Variants in EPB41L3 observed in about 807,000 individuals in gnomAD.
The protein encoded by EPB41L3 is band 4.1-like protein 3.
Under a neutral mutation model 127.1 loss-of-function variants are expected in EPB41L3, and 57 were observed. The ratio of observed to expected loss-of-function variants is 0.45; its 90% CI spans 0.36 to 0.56. The LOEUF is 0.56. Ranked by LOEUF, EPB41L3 falls within the 20% of genes least tolerant of loss-of-function variation. EPB41L3 has a pLI of 0.00. For synonymous variants in EPB41L3, 572 were observed against 549.5 expected, an observed-to-expected ratio of 1.04 and a Z score of -0.57; for missense variants, 1,273 against 1,372.2, an observed-to-expected ratio of 0.93 and a Z score of 1.14.
chr18:5,476,196 T>C (rs1333847358), intron 3 of EPB41L3, among the ~76,000 whole-genome samples: 1 of 152,204 alleles, frequency 6.6e-6, no homozygotes, highest in African/African-American at 2.4e-5. Flanking sequence ...TTCACAAAGA[T>C]GTCAGCCGTG....
chr18:5,418,016 G>A (rs1289936040), intron 12 of EPB41L3, among the ~76,000 whole-genome samples: 2 of 152,290 alleles, frequency 1.3e-5, no homozygotes, highest in South Asian at 4.2e-4. Flanking sequence ...TTTCATTTTG[G>A]TTGAAAAGTA....
In EPB41L3 at chr18:5,397,206, G is replaced by C. The variant is rs142853345; in HGVS notation, c.2693C>G (p.Thr898Arg). ...GIKGKEGSAL[T>R]EGAKEEGGEE... ...CCCTCCTTCCTCTTTAGCCCCCTCCGTCAAGGCAGAGCCCTCTTTCCCTTT... is the reference window on the plus strand; with the variant it reads ...CCCTCCTTCCTCTTTAGCCCCCTCCCTCAAGGCAGAGCCCTCTTTCCCTTT... The change falls in exon 18 of 23, where the codon ACG (threonine) becomes AGG (arginine). Residue 898 changes from threonine (T) to arginine (R), a missense_variant. Thr to Arg is a moderately conservative substitution (Grantham distance 71). Around this residue, in one of 3 missense-constraint regions of EPB41L3, gnomAD observed 765 missense variants for 782.9 expected, o/e 0.98. Coordinates refer to ENST00000341928, the MANE Select transcript of EPB41L3 (RefSeq NM_012307.5). The surrounding 1 kb of genome is among the most constrained non-coding windows in gnomAD (Gnocchi z 4.1). 3.7e-6 allele frequency: 6 copies of C among 1,614,040 alleles called. No individual in the cohort carries two copies. In the South Asian group the frequency reaches 6.6e-5, roughly 18 times the overall value.
intron 20 of EPB41L3, 73 bp downstream of exon 20, chr18:5,395,536 G>A: frequency 2.1e-6 from 3 of 1,401,038 alleles, no homozygotes; most frequent in Non-Finnish European, 3.0e-6. Flanking sequence ...CCCAACCTGT[G>A]AGGAGTTCTG....
At chr18:5,586,654 A>G (rs2094445066) in intron 3 of EPB41L3, among the ~76,000 whole-genome samples, 1 of 149,824 alleles carries the variant, frequency 6.7e-6, no homozygotes, top group Admixed American at 6.8e-5. Context: ...CTCCTGGCTC[A>G]GCCTCCTGAA....
intron 3 of EPB41L3, among the ~76,000 whole-genome samples, chr18:5,469,290 C>T (rs1283575145): frequency 1.3e-5 from 2 of 152,196 alleles, no homozygotes; most frequent in East Asian, 3.9e-4. Flanking sequence ...TGGTTTCTGG[C>T]ATCTCCAAGC....
At chr18:5,493,226 G>C (rs1326852736) in intron 1 of EPB41L3, among the ~76,000 whole-genome samples, 1 of 152,146 alleles carries the variant, frequency 6.6e-6, no homozygotes, top group African/African-American at 2.4e-5. Flanking sequence ...TTTATGAAAA[G>C]ACACAAACTA....
intron 3 of EPB41L3, among the ~76,000 whole-genome samples, chr18:5,557,595 A>G (rs1340337032): frequency 2.6e-5 from 4 of 152,126 alleles, no homozygotes; most frequent in African/African-American, 9.7e-5. Context: ...CAGGTTGGCC[A>G]GGCTGGTCTT....
intron 1 of EPB41L3, among the ~76,000 whole-genome samples, chr18:5,519,607 C>T (rs1224782743): frequency 6.6e-6 from 1 of 152,164 alleles, no homozygotes; most frequent in Non-Finnish European, 1.5e-5. Flanking sequence ...CCCTAAGGGG[C>T]ACTGCAGAGC....
intron 3 of EPB41L3, among the ~76,000 whole-genome samples, chr18:5,446,732 T>C (rs1206087747): frequency 2.6e-5 from 4 of 152,196 alleles, no homozygotes; most frequent in Admixed American, 2.0e-4. Flanking sequence ...GCCTAAATCA[T>C]AGCTAGCTAA....
chr18:5,435,833 C>T (rs1013246586), intron 6 of EPB41L3, among the ~76,000 whole-genome samples: 3 of 151,828 alleles, frequency 2.0e-5, no homozygotes, highest in Non-Finnish European at 4.4e-5. Flanking sequence ...CAATTTCCTG[C>T]ATTCTTAATG....
intron 3 of EPB41L3, among the ~76,000 whole-genome samples, chr18:5,556,357 G>C (rs1355298552): frequency 6.6e-6 from 1 of 152,204 alleles, no homozygotes; most frequent in East Asian, 1.9e-4. Context: ...AACATGGATT[G>C]AGCAGCTACT....
intron 3 of EPB41L3, among the ~76,000 whole-genome samples, chr18:5,452,965 C>T (rs2082496124): frequency 6.6e-6 from 1 of 152,154 alleles, no homozygotes; most frequent in Non-Finnish European, 1.5e-5. Context: ...TAGCAGGTGA[C>T]TGGGGTGACT....
intron 5 of EPB41L3, 35 bp from the exon 6 acceptor site, chr18:5,438,145 G>A: frequency 6.3e-7 from 1 of 1,597,308 alleles, no homozygotes; most frequent in South Asian, 1.1e-5. Flanking sequence ...GTAAAACCTT[G>A]AGAAATTCTT....
At chr18:5,585,223 A>G (rs2094431691) in intron 3 of EPB41L3, among the ~76,000 whole-genome samples, 1 of 152,200 alleles carries the variant, frequency 6.6e-6, no homozygotes, top group Admixed American at 6.5e-5. Context: ...TAGCTGTGCT[A>G]AAACAATTGC....
At chr18:5,396,406 T>C in intron 18 of EPB41L3, 74 bp from the exon 19 acceptor site, 2 of 1,574,228 alleles carry the variant, frequency 1.3e-6, no homozygotes, top group Non-Finnish European at 1.7e-6. Flanking sequence ...TTTTCCTCTC[T>C]TGGTGGTTAT....
chr18:5,543,781 C>T lies in EPB41L3; in HGVS notation c.-12+132G>A. ...GGCGCGGGGCTCGGGATTCGGGAGA[C>T]CGCGCGGCGCCGAAGCCACGCGTCA... On this transcript the variant is annotated intron_variant, in intron 1 of 22. Transcript: ENST00000341928. This position sits in a 1 kb window ranked among gnomAD's most constrained non-coding sequence, Gnocchi z 5.2. 1.4e-6 allele frequency: 1 copy of T among 726,362 alleles called. No homozygotes were observed. The highest frequency in any genetic ancestry group is 6.1e-5 in the South Asian group (1 of 16,268). 45.0% of individuals were successfully genotyped at this position (726,362 alleles called of 1,614,324 possible).
chr18:5,439,195 AC>A (rs1333300715), intron 5 of EPB41L3, among the ~76,000 whole-genome samples: 1 of 151,766 alleles, frequency 6.6e-6, no homozygotes, highest in African/African-American at 2.4e-5. Context: ...CCAGGCTTCC[AC>A]CCTGGAGGTC....
chr18:5,565,124 C>T (rs189165620), intron 3 of EPB41L3, among the ~76,000 whole-genome samples: 18 of 151,996 alleles, frequency 1.2e-4, no homozygotes, highest in East Asian at 5.8e-4. Flanking sequence ...GGGCTGGCCA[C>T]GGTGGCTCGC....
At chr18:5,448,589 C>A (rs2081863015) in intron 3 of EPB41L3, among the ~76,000 whole-genome samples, 1 of 152,012 alleles carries the variant, frequency 6.6e-6, no homozygotes, top group South Asian at 2.1e-4. Context: ...TACTATGAGT[C>A]AAGAACTGAG....
Sources: gnomAD v4.1 joint callset for allele counts (sites outside exome capture counted in the v4.1 genomes callset) on GRCh38, gnomAD v4.1.1 for gene constraint, gnomAD v4.1.1 regional missense constraint, Gnocchi (gnomAD v3.1) non-coding constraint, MANE v1.5 for transcripts, NCBI Gene and HGNC (gene_info 2026-07-23, HGNC 2026-07-21) for gene names.